WWOX: variants seen among roughly 807,000 people sequenced by gnomAD.
WWOX encodes the protein WW domain-containing oxidoreductase.
In WWOX, 69 loss-of-function variants were observed where a neutral mutation model predicts 46.2. The ratio of observed to expected loss-of-function variants is 1.49; its 90% CI spans 1.23 to 1.82. The LOEUF is 1.82. Ranked by LOEUF, WWOX falls within the 40% of genes most tolerant of loss-of-function variation. The probability of loss-of-function intolerance (pLI) is 0.00; values close to 1 mark genes in which losing one functional copy is unlikely to be tolerated. For synonymous variants in WWOX, 359 were observed against 202.6 expected (o/e 1.77, Z -6.56); for missense variants, 919 against 542.6 (o/e 1.69, Z -6.89).
At chr16:78,138,397 C>T (rs374372069) in intron 4 of WWOX, among the ~76,000 whole-genome samples, 2 of 151,756 alleles carry the variant, frequency 1.3e-5, no homozygotes, top group African/African-American at 2.4e-5. Flanking sequence ...AAGATGTGCT[C>T]GTGATGTGGT....
At chr16:78,470,186 A>G (rs554902271) in intron 8 of WWOX, among the ~76,000 whole-genome samples, 2 of 152,304 alleles carry the variant, frequency 1.3e-5, no homozygotes, top group African/African-American at 4.8e-5. Context: ...TTGTCTGCAC[A>G]AAGCTGGTGG....
intron 8 of WWOX, among the ~76,000 whole-genome samples, chr16:79,139,463 C>G (rs1454626301): frequency 6.6e-6 from 1 of 152,180 alleles, no homozygotes; most frequent in Non-Finnish European, 1.5e-5. Context: ...TTATATTTTT[C>G]AAGGCAAGCC....
rs182838823 is a variant in WWOX, at chr16:78,676,578, A to T, written c.1056+243826A>T. On this transcript the variant is annotated intron_variant, in intron 8 of 8. Coordinates refer to ENST00000566780, the MANE Select transcript of WWOX (RefSeq NM_016373.4). ...TCATCATGTATTTTCATCAGGATGA[A>T]ATATCGGGCACTCTGCTCAGTGCAA... 9.2e-5 allele frequency among the ~76,000 whole-genome samples: 14 copies of T among 152,232 alleles called. No individual in the cohort carries two copies. The East Asian group carries it at 2.5e-3, about 27-fold the overall frequency.
chr16:78,188,556 A>C (rs191244316), intron 5 of WWOX, among the ~76,000 whole-genome samples: 8 of 152,174 alleles, frequency 5.3e-5, no homozygotes, highest in African/African-American at 1.9e-4. Context: ...AAGGCTCTAG[A>C]ATTGGAGTGA....
intron 8 of WWOX, among the ~76,000 whole-genome samples, chr16:79,051,113 G>A (rs1874546280): frequency 6.6e-6 from 1 of 152,196 alleles, no homozygotes; most frequent in African/African-American, 2.4e-5. Context: ...TGTGACTGCA[G>A]CCCTACTCCT....
chr16:78,872,222 C>T lies in WWOX; in HGVS notation c.1057-339386C>T, dbSNP rs572840318. On this transcript the variant is annotated intron_variant, in intron 8 of 8. Transcript: ENST00000566780. ...GGCTGCCTGGATTCAAATCCCAGCT[C>T]TGCTATTACTGAGATCTCTATGAGA... is the stretch of plus-strand genomic sequence containing the variant. Among the ~76,000 whole-genome samples the T allele has an allele frequency of 3.3e-5, 5 of 152,294 alleles. No individual in the cohort carries two copies. The South Asian group carries it at 6.2e-4, about 19-fold the overall frequency.
At chr16:78,174,431 A>G (rs1483064489) in intron 5 of WWOX, among the ~76,000 whole-genome samples, 1 of 152,200 alleles carries the variant, frequency 6.6e-6, no homozygotes, top group Non-Finnish European at 1.5e-5. Context: ...CCTGGGAGAT[A>G]TAATTCAAGT....
rs2051792813 is a variant in WWOX, at chr16:79,212,317, C to G, written c.*521C>G. The G allele has an allele frequency of 1.2e-6, 1 of 831,288 alleles. No individual in the cohort carries two copies. Among genetic ancestry groups the G allele is most frequent in the Non-Finnish European group, 1.8e-6 (1 of 556,548 alleles). 51.5% of individuals were successfully genotyped at this position (831,288 alleles called of 1,614,324 possible). On this transcript the variant is annotated 3_prime_UTR_variant, in exon 9 of 9. Coordinates refer to ENST00000566780, the MANE Select transcript of WWOX (RefSeq NM_016373.4). ...TAGCAACTGCTGGGGAGACAAATCT[C>G]AGAACCTTGTCCCAGCCAGTGAGGA...
chr16:78,827,369 G>C (rs928001022), intron 8 of WWOX, among the ~76,000 whole-genome samples: 1 of 152,038 alleles, frequency 6.6e-6, no homozygotes, highest in Non-Finnish European at 1.5e-5. Flanking sequence ...GGTAAGGCTC[G>C]GTGTCATCAA....
At chr16:78,942,555 C>T (rs867934571) in intron 8 of WWOX, among the ~76,000 whole-genome samples, 5 of 152,000 alleles carry the variant, frequency 3.3e-5, no homozygotes, top group African/African-American at 7.3e-5. Flanking sequence ...TAATAAAAAC[C>T]CACCAGAATA....
rs963884695 is a variant in WWOX at position 79,100,798 on chromosome 16, C to G, written c.1057-110810C>G. On this transcript the variant is annotated intron_variant, in intron 8 of 8. Transcript: ENST00000566780. ...TAGGCCTTCTTCCCTTTGGAACATA[C>G]AATGCATTTTCCAGTCTCCCCGTGG... is the stretch of plus-strand genomic sequence containing the variant. 2.0e-5 allele frequency among the ~76,000 whole-genome samples: 3 copies of G among 152,048 alleles called. 1 individual carries two copies. Among genetic ancestry groups the G allele is most frequent in the Admixed American group, 2.0e-4 (3 of 15,250 alleles).
chr16:79,184,482 C>G (rs1448048073), intron 8 of WWOX, among the ~76,000 whole-genome samples: 2 of 152,186 alleles, frequency 1.3e-5, no homozygotes, highest in African/African-American at 2.4e-5. Context: ...TTGCTGCAGA[C>G]TGACCAAAAG....
At chr16:78,884,545 G>T (rs2044413181) in intron 8 of WWOX, among the ~76,000 whole-genome samples, 1 of 152,152 alleles carries the variant, frequency 6.6e-6, no homozygotes, top group Non-Finnish European at 1.5e-5. Flanking sequence ...ATTCAACAAT[G>T]TGGATTTATC....
At chr16:78,402,133 T>G (rs1231784792) in intron 6 of WWOX, among the ~76,000 whole-genome samples, 2 of 152,222 alleles carry the variant, frequency 1.3e-5, no homozygotes, top group African/African-American at 4.8e-5. Context: ...AGCAGTTATT[T>G]TCCATCGCTA....
At chr16:78,946,783 G>A (rs562426280) in intron 8 of WWOX, among the ~76,000 whole-genome samples, 7 of 152,072 alleles carry the variant, frequency 4.6e-5, no homozygotes, top group Admixed American at 2.6e-4. Context: ...GCCCCCGGGG[G>A]AGCTCAGTGC....
chr16:78,269,914 G>GTTTTTTTTTTTTTTTTTTT (rs71137883), intron 5 of WWOX, among the ~76,000 whole-genome samples: 1 of 125,692 alleles, frequency 8.0e-6, no homozygotes, highest in Non-Finnish European at 1.6e-5. Flanking sequence ...ACATAAGGAA[G>GTTTTTTTTTTTTTTTTTTT]TTTTTTTTTT....
intron 1 of WWOX, among the ~76,000 whole-genome samples, chr16:78,101,603 G>C (rs1255255014): frequency 6.6e-6 from 1 of 152,066 alleles, no homozygotes; most frequent in East Asian, 1.9e-4. Flanking sequence ...TTACAGACAG[G>C]AGCCACTGCG....
At chr16:79,084,472 G>A (rs1246823134) in intron 8 of WWOX, among the ~76,000 whole-genome samples, 3 of 152,130 alleles carry the variant, frequency 2.0e-5, no homozygotes, top group Admixed American at 6.5e-5. Context: ...CCAGGGTAGA[G>A]TGCAGTGGTA....
intron 8 of WWOX, among the ~76,000 whole-genome samples, chr16:79,024,552 G>C (rs534068306): frequency 6.6e-6 from 1 of 152,222 alleles, no homozygotes; most frequent in South Asian, 2.1e-4. Context: ...TCCTGCCTCA[G>C]CCTCCCGAGT....
Sources: gnomAD v4.1 joint callset for allele counts (sites outside exome capture counted in the v4.1 genomes callset) on GRCh38, gnomAD v4.1.1 for gene constraint, MANE v1.5 for transcripts, NCBI Gene and HGNC (gene_info 2026-07-23, HGNC 2026-07-21) for gene names.